Variants in TEX36 observed in about 807,000 individuals in gnomAD.
TEX36 encodes testis-expressed protein 36.
In TEX36, 12 loss-of-function variants were observed where a neutral mutation model predicts 13.6. The ratio of observed to expected loss-of-function variants is 0.88; its 90% CI spans 0.56 to 1.43. The LOEUF (loss-of-function observed/expected upper bound fraction) is 1.43. Ranked by LOEUF, TEX36 falls within the 40% of genes most tolerant of loss-of-function variation. The probability of loss-of-function intolerance (pLI) is 0.00; values close to 1 mark genes in which losing one functional copy is unlikely to be tolerated. For missense variants in TEX36, 224 were observed against 228.3 expected (o/e 0.98, Z 0.12); for synonymous variants, 93 against 83.0 (o/e 1.12, Z -0.65).
At position 125,666,830 on chromosome 10, in the gene TEX36, G is replaced by A. The variant is rs573686078; in HGVS notation, c.52-4853C>T. On this transcript the variant is annotated intron_variant, in intron 1 of 3. Coordinates refer to ENST00000368821, the MANE Select transcript of TEX36 (RefSeq NM_001128202.3). ...AGAAGGCCCGCTCTTCAAGAGAGTA[G>A]GGGCGGGGCCTGGAGTGTTGGGAAC... The A allele has an allele frequency of 4.9e-5, 15 of 304,182 alleles. No individual in the cohort carries two copies. The East Asian group carries it at 1.0e-3, about 21-fold the overall frequency. The allele number at this position is 304,182 out of a possible 1,614,324, so 18.8% of individuals were successfully genotyped here.
chr10:125,608,168 A>G (rs56102757), intron 3 of TEX36, among the ~76,000 whole-genome samples: 1 of 152,294 alleles, frequency 6.6e-6, no homozygotes, highest in African/African-American at 2.4e-5. Flanking sequence ...TGTTCACAAT[A>G]AAGAGAAAGG....
intron 3 of TEX36, among the ~76,000 whole-genome samples, chr10:125,593,836 G>T (rs567356545): frequency 1.3e-5 from 2 of 152,156 alleles, no homozygotes; most frequent in African/African-American, 4.8e-5. Context: ...GAGATGGATG[G>T]CGGTGATGAT....
At chr10:125,667,507 C>T (rs1330616214) in intron 1 of TEX36, 6 of 729,522 alleles carry the variant, frequency 8.2e-6, no homozygotes, top group African/African-American at 5.2e-5. Context: ...GAACACAATG[C>T]CACTTGGTGA....
At chr10:125,597,112 G>A (rs17153231) in intron 3 of TEX36, among the ~76,000 whole-genome samples, 3,057 of 152,262 alleles carry the variant, frequency 0.02, 115 homozygotes, top group African/African-American at 0.068. Context: ...GGGAGTGACT[G>A]TTGACTTCAC....
chr10:125,633,186 A>G (rs1846579526), intron 3 of TEX36, among the ~76,000 whole-genome samples: 1 of 152,180 alleles, frequency 6.6e-6, no homozygotes, highest in Non-Finnish European at 1.5e-5. Flanking sequence ...TTGTCTCTCC[A>G]GAGGGAAAAT....
At chr10:125,667,725 C>T in intron 1 of TEX36, 1 of 768,726 alleles carries the variant, frequency 1.3e-6, no homozygotes, top group Non-Finnish European at 2.3e-6. Flanking sequence ...AGGATGACGT[C>T]CCCGATGCAG....
intron 1 of TEX36, chr10:125,668,074 T>A: frequency 1.6e-6 from 1 of 616,246 alleles, no homozygotes; most frequent in Non-Finnish European, 2.9e-6. Context: ...TAACTGAGAG[T>A]CTGTGGACAG....
At position 125,598,691 on chromosome 10, in the gene TEX36, G is replaced by T. The variant is rs574176109; in HGVS notation, c.265-21817C>A. Reference sequence around the variant, plus strand: ...TGATTTTTGCTTGGAGATTTTTAGAGACCCAGCAGATTCACTCTAGGAAAT... The same window carrying T: ...TGATTTTTGCTTGGAGATTTTTAGATACCCAGCAGATTCACTCTAGGAAAT... On this transcript the variant is annotated intron_variant, in intron 3 of 3. Coordinates refer to the TEX36 transcript ENST00000532135. 1.1e-3 allele frequency among the ~76,000 whole-genome samples: 165 copies of T among 152,238 alleles called. 1 individual carries two copies. Among genetic ancestry groups the T allele is most frequent in the Admixed American group, 4.7e-3 (72 of 15,290 alleles).
intron 3 of TEX36, among the ~76,000 whole-genome samples, chr10:125,610,876 A>G (rs983219117): frequency 1.3e-5 from 2 of 152,104 alleles, no homozygotes; most frequent in African/African-American, 4.8e-5. Context: ...ATTTTTTCAT[A>G]TTGATAATCA....
At chr10:125,625,205 T>A (rs1589760358) in intron 3 of TEX36, among the ~76,000 whole-genome samples, 1 of 152,226 alleles carries the variant, frequency 6.6e-6, no homozygotes, top group Non-Finnish European at 1.5e-5. Flanking sequence ...GAGCCCCTCC[T>A]GGGCAGGACT....
intron 3 of TEX36, among the ~76,000 whole-genome samples, 163 bp from the exon 4 acceptor site, chr10:125,656,359 C>T (rs1846945134): frequency 7.0e-6 from 1 of 143,098 alleles, no homozygotes; most frequent in Non-Finnish European, 1.5e-5. Flanking sequence ...CGGGTTCAAG[C>T]AATTCTCATG....
intron 3 of TEX36, among the ~76,000 whole-genome samples, chr10:125,628,707 C>T (rs1846517332): frequency 6.6e-6 from 1 of 152,164 alleles, no homozygotes; most frequent in Admixed American, 6.5e-5. Flanking sequence ...TCTCTGTTTT[C>T]AGAATCATTA....
intron 1 of TEX36, among the ~76,000 whole-genome samples, chr10:125,663,563 ATT>A (rs1447231456): frequency 6.6e-6 from 1 of 152,006 alleles, no homozygotes; most frequent in Non-Finnish European, 1.5e-5. Flanking sequence ...AACATCTGTT[ATT>A]TTTTGTCTTT....
At chr10:125,669,099 T>C (rs1328961873) in intron 1 of TEX36, among the ~76,000 whole-genome samples, 3 of 152,108 alleles carry the variant, frequency 2.0e-5, no homozygotes, top group Admixed American at 1.3e-4. Context: ...GAGACCATCT[T>C]GGCCAACATG....
chr10:125,661,819 T>C (rs1199134924), intron 2 of TEX36, 27 bp downstream of exon 2: 8 of 1,551,448 alleles, frequency 5.2e-6, no homozygotes, highest in Middle Eastern at 1.7e-4. Flanking sequence ...CAGGAGCACA[T>C]GGCAGTGGCC....
At chr10:125,680,122 A>T (rs1847371846) in intron 1 of TEX36, among the ~76,000 whole-genome samples, 1 of 152,206 alleles carries the variant, frequency 6.6e-6, no homozygotes, top group South Asian at 2.1e-4. Flanking sequence ...ATGTTTTCCA[A>T]AGAAATATTT....
At chr10:125,653,429 T>C (rs1027346280), downstream of TEX36, among the ~76,000 whole-genome samples, 5 of 137,060 alleles carry the variant, frequency 3.6e-5, no homozygotes, top group African/African-American at 8.4e-5. Flanking sequence ...CAGGTGGGAA[T>C]TGAACAATGT....
intron 3 of TEX36, among the ~76,000 whole-genome samples, chr10:125,594,744 T>C (rs1217919352): frequency 1.3e-5 from 2 of 152,078 alleles, no homozygotes; most frequent in Non-Finnish European, 2.9e-5. Context: ...TCACAACATA[T>C]GTTTGGGAAA....
chr10:125,664,885 C>T (rs1276893419), intron 1 of TEX36, among the ~76,000 whole-genome samples: 4 of 152,124 alleles, frequency 2.6e-5, no homozygotes, highest in Non-Finnish European at 4.4e-5. Context: ...TTTGTGATTG[C>T]CTGTCTTTAG....
Sources: allele counts gnomAD v4.1 joint callset (sites outside exome capture counted in the v4.1 genomes callset), GRCh38; gene constraint gnomAD v4.1.1; transcripts MANE v1.5; gene names NCBI Gene and HGNC (gene_info 2026-07-23, HGNC 2026-07-21).